POLK: variants seen among roughly 807,000 people sequenced by gnomAD.
POLK encodes the protein polymerase (DNA directed) kappa.
POLK carries 76 observed loss-of-function variants against 94.0 expected under a neutral mutation model. The ratio of observed to expected loss-of-function variants is 0.81; its 90% CI spans 0.67 to 0.98. POLK has a LOEUF of 0.98. POLK is among the 50% of genes least tolerant of loss of function. The probability of loss-of-function intolerance (pLI) is 0.00; values close to 1 mark genes in which losing one functional copy is unlikely to be tolerated. For synonymous variants in POLK, 349 were observed against 325.4 expected (o/e 1.07, Z -0.78); for missense variants, 954 against 1,010.1 (o/e 0.94, Z 0.75).
At chr5:75,537,711 G>T (rs1475967248) in intron 1 of POLK, among the ~76,000 whole-genome samples, 1 of 152,000 alleles carries the variant, frequency 6.6e-6, no homozygotes, top group African/African-American at 2.4e-5. Context: ...TGTGCCTTTT[G>T]TGCTTTTCCT....
exon 1 of POLK, chr5:75,511,867 C>G: frequency 2.0e-6 from 3 of 1,523,592 alleles, no homozygotes; most frequent in Non-Finnish European, 2.7e-6. Context: ...GTTGGTCCGT[C>G]GCTCGCGCAG....
intron 1 of POLK, among the ~76,000 whole-genome samples, chr5:75,537,740 T>C (rs1196373695): frequency 6.6e-6 from 1 of 152,268 alleles, no homozygotes; most frequent in Non-Finnish European, 1.5e-5. Flanking sequence ...TGAAGTATTA[T>C]TGAAAGTATT....
chr5:75,520,521 A>G (rs1366211392), intron 1 of POLK, among the ~76,000 whole-genome samples: 2 of 152,162 alleles, frequency 1.3e-5, no homozygotes, highest in Non-Finnish European at 2.9e-5. Flanking sequence ...TAGCCTCCCA[A>G]GTATCTGGGA....
downstream of POLK, among the ~76,000 whole-genome samples, chr5:75,602,246 A>T (rs76310944): frequency 1.7e-3 from 256 of 152,350 alleles, 1 homozygote; most frequent in African/African-American, 6.0e-3. Flanking sequence ...TTGAGTCTCA[A>T]GACCCCAGGG....
At chr5:75,567,163 T>C (rs1010424387) in intron 3 of POLK, among the ~76,000 whole-genome samples, 2 of 152,186 alleles carry the variant, frequency 1.3e-5, no homozygotes, top group African/African-American at 4.8e-5. Flanking sequence ...CATTAATATA[T>C]GAGTCTGAGG....
At chr5:75,592,614 G>A (rs1772846037) in intron 11 of POLK, among the ~76,000 whole-genome samples, 1 of 151,970 alleles carries the variant, frequency 6.6e-6, no homozygotes. Context: ...AGAATCACTT[G>A]AACCTGGGAG....
chr5:75,522,858 G>A (rs1768651951), intron 1 of POLK, among the ~76,000 whole-genome samples: 1 of 149,874 alleles, frequency 6.7e-6, no homozygotes, highest in African/African-American at 2.5e-5. Context: ...GTTTTATTCT[G>A]TTAAAAAAAA....
intron 1 of POLK, among the ~76,000 whole-genome samples, chr5:75,516,457 TAAAG>T (rs1439499761): frequency 1.3e-5 from 2 of 151,880 alleles, no homozygotes; most frequent in Non-Finnish European, 2.9e-5. Context: ...AAAATAAAAT[TAAAG>T]AAAAAAGTTT....
intron 4 of POLK, among the ~76,000 whole-genome samples, chr5:75,573,430 G>A (rs1157758200): frequency 2.0e-5 from 3 of 152,112 alleles, no homozygotes; most frequent in African/African-American, 7.2e-5. Flanking sequence ...GAGTTAATGG[G>A]TGCAGCACAC....
chr5:75,519,228 T>G (rs1002343809), intron 1 of POLK, among the ~76,000 whole-genome samples: 3 of 152,262 alleles, frequency 2.0e-5, no homozygotes, highest in Non-Finnish European at 4.4e-5. Flanking sequence ...TTTCAAGTTT[T>G]ATTCCATTGT....
intron 1 of POLK, among the ~76,000 whole-genome samples, chr5:75,530,396 C>CTTTTTTTTTTTTTTTT: frequency 1.6e-5 from 1 of 61,626 alleles, no homozygotes; most frequent in Non-Finnish European, 3.2e-5. Context: ...TTCCCTTTTT[C>CTTTTTTTTTTTTTTTT]TTTTTTTTTT....
At chr5:75,543,240 A>G (rs767061381) in intron 1 of POLK, among the ~76,000 whole-genome samples, 1 of 149,680 alleles carries the variant, frequency 6.7e-6, no homozygotes, top group African/African-American at 2.5e-5. Context: ...GGGTTTCACC[A>G]TTTTGGCCAG....
intron 1 of POLK, among the ~76,000 whole-genome samples, chr5:75,520,223 C>G (rs1768506131): frequency 6.6e-6 from 1 of 152,126 alleles, no homozygotes; most frequent in Non-Finnish European, 1.5e-5. Context: ...ATTGTCTCAA[C>G]TTACATATTT....
At chr5:75,566,346 G>T (rs1331141201) in intron 3 of POLK, among the ~76,000 whole-genome samples, 1 of 152,172 alleles carries the variant, frequency 6.6e-6, no homozygotes, top group African/African-American at 2.4e-5. Flanking sequence ...CAGCTCCCTG[G>T]CTTCAGCCCC....
exon 12 of POLK, chr5:75,594,047 T>G (rs1561411301): frequency 6.4e-7 from 1 of 1,554,016 alleles, no homozygotes; most frequent in Admixed American, 2.0e-5. Context: ...TTAAGGCTTA[T>G]GGGTATGACT....
At chr5:75,569,469 G>A in exon 4 of POLK, 7 of 1,612,906 alleles carry the variant, frequency 4.3e-6, no homozygotes, top group Non-Finnish European at 5.9e-6. Flanking sequence ...TAAACCCATT[G>A]CTGTAGGATC....
At chr5:75,588,793 T>G (rs944100133) in intron 10 of POLK, among the ~76,000 whole-genome samples, 1 of 152,334 alleles carries the variant, frequency 6.6e-6, no homozygotes, top group African/African-American at 2.4e-5. Flanking sequence ...GCTCATAGCC[T>G]CAGCAACTTC....
chr5:75,608,228 C>G, the POLK span, among the ~76,000 whole-genome samples: 1 of 151,374 alleles, frequency 6.6e-6, no homozygotes, highest in African/African-American at 2.4e-5. Context: ...GAGTCTTGCT[C>G]TGTCACCCAG....
chr5:75,557,166 T>C (rs1048500376), intron 3 of POLK, among the ~76,000 whole-genome samples: 1 of 152,264 alleles, frequency 6.6e-6, no homozygotes, highest in African/African-American at 2.4e-5. Flanking sequence ...TTCTGGGCTC[T>C]GTATTCTGTT....
Sources: gnomAD v4.1 joint callset for allele counts (sites outside exome capture counted in the v4.1 genomes callset) on GRCh38, gnomAD v4.1.1 for gene constraint, MANE v1.5 for transcripts, NCBI Gene and HGNC (gene_info 2026-07-23, HGNC 2026-07-21) for gene names.